SEPTIN10: variants seen among roughly 807,000 people sequenced by gnomAD.
SEPTIN10 encodes the protein septin-10.
In SEPTIN10, 66 loss-of-function variants were observed where a neutral mutation model predicts 54.8. The observed-to-expected ratio is 1.21, with a 90% confidence interval of 0.99 to 1.48. The LOEUF (loss-of-function observed/expected upper bound fraction) is 1.48, where lower values mean the gene tolerates loss of function less well. Among genes scored for constraint, SEPTIN10 ranks in the 40% most tolerant of loss-of-function variants. SEPTIN10 has a pLI of 0.00. For synonymous variants in SEPTIN10, 161 were observed against 181.0 expected (o/e 0.89, Z 0.89); for missense variants, 620 against 545.6 (o/e 1.14, Z -1.36).
chr2:109,608,984 TC>T (rs1195767270), intron 1 of SEPTIN10, among the ~76,000 whole-genome samples: 3 of 152,222 alleles, frequency 2.0e-5, no homozygotes, highest in Non-Finnish European at 4.4e-5. Context: ...AGGGACTCTA[TC>T]CTGCAGTAGA....
At chr2:109,556,603 C>T (rs1324972950) in intron 8 of SEPTIN10, among the ~76,000 whole-genome samples, 2 of 152,118 alleles carry the variant, frequency 1.3e-5, no homozygotes, top group African/African-American at 2.4e-5. Flanking sequence ...TCACATGTCT[C>T]ACACCCCAAG....
rs986174138 is a variant in SEPTIN10, at chr2:109,598,056, TTTTTG to T, written c.31-4942_31-4938del. 2.6e-5 allele frequency among the ~76,000 whole-genome samples: 4 copies of T among 152,096 alleles called. 1 individual carries two copies. Among genetic ancestry groups the T allele is most frequent in the African/African-American group, 9.7e-5 (4 of 41,422 alleles). On this transcript the variant is annotated intron_variant, in intron 1 of 10. Coordinates refer to ENST00000397712, the MANE Select transcript of SEPTIN10 (RefSeq NM_144710.5). ...CAGAATCCTGACTTAGCTTTATGTT[TTTTTG>T]TTTTGTTTTGTTTTTTTTGAGATGG... is the stretch of plus-strand genomic sequence containing the variant.
intron 8 of SEPTIN10, among the ~76,000 whole-genome samples, chr2:109,558,221 T>C (rs1245131870): frequency 6.6e-6 from 1 of 152,208 alleles, no homozygotes; most frequent in Non-Finnish European, 1.5e-5. Context: ...TTTCCTTCAA[T>C]TGGGACATGT....
chr2:109,600,050 T>G (rs1696278341), intron 1 of SEPTIN10, among the ~76,000 whole-genome samples: 1 of 152,186 alleles, frequency 6.6e-6, no homozygotes, highest in Non-Finnish European at 1.5e-5. Flanking sequence ...GTAGAGCCTT[T>G]GGAATCTGCT....
chr2:109,561,673 GGA>G (rs1685683809), intron 8 of SEPTIN10, among the ~76,000 whole-genome samples: 2 of 151,940 alleles, frequency 1.3e-5, no homozygotes, highest in Non-Finnish European at 2.9e-5. Context: ...TAAAACCTCT[GGA>G]TTACCAACTA....
chr2:109,575,156 CAT>C (rs1558792103), intron 4 of SEPTIN10, among the ~76,000 whole-genome samples: 1 of 152,236 alleles, frequency 6.6e-6, no homozygotes, highest in Non-Finnish European at 1.5e-5. Flanking sequence ...GATTCATTCT[CAT>C]AGTCATTCAC....
intron 8 of SEPTIN10, among the ~76,000 whole-genome samples, chr2:109,557,841 T>C (rs1227929333): frequency 6.6e-6 from 1 of 150,436 alleles, no homozygotes; most frequent in African/African-American, 2.4e-5. Flanking sequence ...TAGCTTGCTG[T>C]CATAATTTTC....
At chr2:109,585,077 T>C (rs767874545) in intron 4 of SEPTIN10, 49 bp downstream of exon 4, 3 of 1,186,954 alleles carry the variant, frequency 2.5e-6, no homozygotes, top group Admixed American at 4.8e-5. Context: ...ATAAGGCGAA[T>C]GTCTTGAAAT....
intron 10 of SEPTIN10, chr2:109,545,239 A>G (rs752828728): frequency 1.5e-6 from 2 of 1,355,242 alleles, no homozygotes; most frequent in Non-Finnish European, 1.9e-6. Flanking sequence ...AGGCATGATG[A>G]ATTTCCTCAA....
At position 109,585,247 on chromosome 2, in the gene SEPTIN10, G is replaced by C; in HGVS notation, c.292C>G (p.His98Asp). The C allele has an allele frequency of 6.2e-7, 1 of 1,613,278 alleles. No individual in the cohort carries two copies. Among genetic ancestry groups the C allele is most frequent in the South Asian group, 1.1e-5 (1 of 90,918 alleles). The change falls in exon 4 of 11, where the codon CAT (histidine) becomes GAT (aspartate). Residue 98 changes from histidine to aspartate, a missense_variant. By Grantham distance (81) the His-to-Asp change is moderately conservative. Transcript: ENST00000397712. ...NTNFEDYESSHFCPNVKLKAQ... is the reference protein window; with the variant it reads ...NTNFEDYESSDFCPNVKLKAQ... Reference sequence around the variant, plus strand: ...TTAAGTTTAACATTTGGGCAAAAATGTGAGGATTCATAGTCTTCAAAATTA... The same window carrying C: ...TTAAGTTTAACATTTGGGCAAAAATCTGAGGATTCATAGTCTTCAAAATTA...
intron 5 of SEPTIN10, among the ~76,000 whole-genome samples, chr2:109,570,292 T>C (rs946115083): frequency 6.6e-6 from 1 of 152,148 alleles, no homozygotes; most frequent in Non-Finnish European, 1.5e-5. Context: ...CATAAAATAT[T>C]TCATTTTGGT....
chr2:109,557,642 C>G (rs918526899), intron 8 of SEPTIN10, among the ~76,000 whole-genome samples: 3 of 152,114 alleles, frequency 2.0e-5, no homozygotes, highest in Non-Finnish European at 2.9e-5. Flanking sequence ...TGTAAACTTA[C>G]AAGGCCAATT....
At position 109,555,342 on chromosome 2, in the gene SEPTIN10, C is replaced by T. The variant is rs538050231; in HGVS notation, c.1029-2123G>A. Among the ~76,000 whole-genome samples, 6 of 152,236 alleles carry T rather than the reference C, an allele frequency of 3.9e-5. No individual in the cohort carries two copies. In the South Asian group the frequency reaches 1.0e-3, roughly 26 times the overall value. ...ACCAACCTGTTCATTGTTCCCAGAACGAACCTGGCATTTCAGGCTTCAGTT... is the reference window on the plus strand; with the variant it reads ...ACCAACCTGTTCATTGTTCCCAGAATGAACCTGGCATTTCAGGCTTCAGTT... On this transcript the variant is annotated intron_variant, in intron 8 of 10. Coordinates refer to ENST00000397712, the MANE Select transcript of SEPTIN10 (RefSeq NM_144710.5).
intron 1 of SEPTIN10, among the ~76,000 whole-genome samples, chr2:109,603,304 G>A (rs966034301): frequency 1.9e-4 from 29 of 151,326 alleles, no homozygotes; most frequent in Non-Finnish European, 4.1e-4. Flanking sequence ...GCGCAATCTC[G>A]GCTCACTGCA....
At chr2:109,557,588 T>C (rs1387211868) in intron 8 of SEPTIN10, among the ~76,000 whole-genome samples, 1 of 152,236 alleles carries the variant, frequency 6.6e-6, no homozygotes, top group African/African-American at 2.4e-5. Flanking sequence ...GGACTGCTTC[T>C]GCATATTTTG....
intron 2 of SEPTIN10, among the ~76,000 whole-genome samples, chr2:109,589,845 A>G (rs960310759): frequency 6.6e-5 from 10 of 152,072 alleles, no homozygotes; most frequent in Admixed American, 6.5e-4. Flanking sequence ...AAAACTGGAA[A>G]GATTCCAAAT....
Position 109,567,945 on chromosome 2 carries a change from T to C in SEPTIN10, c.632A>G (p.Asp211Gly), listed in dbSNP as rs1173027896. The C allele has an allele frequency of 6.2e-7, 1 of 1,613,140 alleles. No homozygotes were observed. The highest frequency in any genetic ancestry group is 8.5e-7 in the Non-Finnish European group (1 of 1,179,714). Residue 211 changes from aspartate (D) to glycine (G), a missense_variant, in exon 6 of 11, where the codon GAT (aspartate) becomes GGT (glycine). Transcript: ENST00000397712. Reference sequence around the variant, plus strand: ...CTGTAATTCAGTTTTAGAAACCGTATCTGCTTTGGCAATCACTGGTATAAT... The same window carrying C: ...CTGTAATTCAGTTTTAGAAACCGTACCTGCTTTGGCAATCACTGGTATAAT... ...VNIIPVIAKA[D>G]TVSKTELQKF...
intron 1 of SEPTIN10, among the ~76,000 whole-genome samples, chr2:109,596,574 G>A (rs537321890): frequency 5.3e-5 from 8 of 151,546 alleles, no homozygotes; most frequent in Non-Finnish European, 8.8e-5. Flanking sequence ...CAGAGATCGC[G>A]CCGCTGCACT....
chr2:109,605,327 A>AGT (rs1317419704), intron 1 of SEPTIN10: 139 of 152,290 alleles, frequency 9.1e-4, no homozygotes, highest in African/African-American at 3.3e-3. Context: ...AAAATTAGCC[A>AGT]GGCATGGTGG....
Sources: gnomAD v4.1 joint callset for allele counts (sites outside exome capture counted in the v4.1 genomes callset) on GRCh38, gnomAD v4.1.1 for gene constraint, MANE v1.5 for transcripts, NCBI Gene and HGNC (gene_info 2026-07-23, HGNC 2026-07-21) for gene names.